PTPRG: variants seen among roughly 807,000 people sequenced by gnomAD.
The protein encoded by PTPRG is receptor-type tyrosine-protein phosphatase gamma.
PTPRG carries 102 observed loss-of-function variants against 165.3 expected under a neutral mutation model. The observed-to-expected ratio is 0.62, with a 90% CI of 0.53 to 0.73. PTPRG has a LOEUF of 0.73. PTPRG is among the 30% of genes least tolerant of loss of function. The pLI, the probability that PTPRG is intolerant of heterozygous loss-of-function variation, is 0.00. For synonymous variants in PTPRG, 675 were observed against 669.5 expected, an observed-to-expected ratio of 1.01 and a Z score of -0.13; for missense variants, 1,866 against 1,861.4, an observed-to-expected ratio of 1.00 and a Z score of -0.05.
intron 28 of PTPRG, 56 bp downstream of exon 28, chr3:62,282,925 G>A: frequency 6.6e-7 from 1 of 1,509,660 alleles, no homozygotes; most frequent in Non-Finnish European, 9.0e-7. Flanking sequence ...TTAATTTCTT[G>A]TTGAAAGCAG....
At chr3:61,708,441 ATCT>A (rs1234527912) in intron 1 of PTPRG, among the ~76,000 whole-genome samples, 2 of 134,254 alleles carry the variant, frequency 1.5e-5, no homozygotes, top group Non-Finnish European at 3.2e-5. Context: ...CTCTCTGCAA[ATCT>A]TTTTTTTTTT....
At chr3:62,043,745 A>C (rs978316683) in intron 4 of PTPRG, among the ~76,000 whole-genome samples, 5 of 152,198 alleles carry the variant, frequency 3.3e-5, no homozygotes, top group African/African-American at 1.2e-4. Context: ...ATGATTGTTA[A>C]AGGATAGACT....
At chr3:61,905,518 TC>T (rs2038622075) in intron 2 of PTPRG, among the ~76,000 whole-genome samples, 1 of 152,214 alleles carries the variant, frequency 6.6e-6, no homozygotes, top group Non-Finnish European at 1.5e-5. Flanking sequence ...TTAAAGGTGG[TC>T]TTTTAACAGT....
intron 1 of PTPRG, among the ~76,000 whole-genome samples, chr3:61,568,148 G>A (rs1699965218): frequency 1.3e-5 from 2 of 152,120 alleles, no homozygotes; most frequent in Admixed American, 1.3e-4. Flanking sequence ...TGTTTATGTG[G>A]AGTTGTAACC....
chr3:61,746,871 G>A (rs996728759), intron 1 of PTPRG, among the ~76,000 whole-genome samples: 5 of 152,180 alleles, frequency 3.3e-5, no homozygotes, highest in African/African-American at 9.7e-5. Context: ...AAAGCACTAG[G>A]GCTGGGTGCA....
intron 28 of PTPRG, among the ~76,000 whole-genome samples, chr3:62,287,228 A>G (rs1393074078): frequency 6.6e-6 from 1 of 152,188 alleles, no homozygotes. Flanking sequence ...CAGATTAAAC[A>G]AATGTTAAAT....
intron 4 of PTPRG, among the ~76,000 whole-genome samples, chr3:62,071,267 G>A (rs895597702): frequency 3.9e-5 from 6 of 152,086 alleles, no homozygotes; most frequent in African/African-American, 1.2e-4. Flanking sequence ...GGGAGAAATC[G>A]CTTTTTGAGA....
intron 2 of PTPRG, among the ~76,000 whole-genome samples, chr3:61,849,425 T>C (rs1479449906): frequency 1.3e-5 from 2 of 152,170 alleles, no homozygotes; most frequent in Non-Finnish European, 1.5e-5. Context: ...GTGTAGGTGA[T>C]GAAAAAGAGT....
At chr3:61,644,227 G>C (rs1168503872) in intron 1 of PTPRG, among the ~76,000 whole-genome samples, 1 of 152,118 alleles carries the variant, frequency 6.6e-6, no homozygotes, top group Non-Finnish European at 1.5e-5. Context: ...AGTTAACTTT[G>C]GAGCTTTAGG....
At chr3:61,948,570 A>G (rs371881110) in intron 2 of PTPRG, among the ~76,000 whole-genome samples, 2 of 152,262 alleles carry the variant, frequency 1.3e-5, no homozygotes, top group African/African-American at 2.4e-5. Flanking sequence ...ATTGGTTGCT[A>G]TAGCTACAAT....
At chr3:61,945,282 A>G (rs1259070620) in intron 2 of PTPRG, among the ~76,000 whole-genome samples, 3 of 152,154 alleles carry the variant, frequency 2.0e-5, no homozygotes, top group African/African-American at 7.2e-5. Context: ...ACTTGAGGCC[A>G]GGTGCTATGG....
intron 4 of PTPRG, among the ~76,000 whole-genome samples, chr3:62,007,698 A>T (rs930165610): frequency 1.3e-5 from 2 of 152,212 alleles, no homozygotes; most frequent in South Asian, 4.1e-4. Flanking sequence ...GTGCAATTTC[A>T]TTTGTGTTAT....
chr3:61,985,134 T>C (rs2040726819), intron 2 of PTPRG, among the ~76,000 whole-genome samples: 1 of 152,226 alleles, frequency 6.6e-6, no homozygotes, highest in African/African-American at 2.4e-5. Flanking sequence ...TGGGATTAAG[T>C]TCTTCTTGCC....
intron 4 of PTPRG, among the ~76,000 whole-genome samples, chr3:62,016,272 A>G (rs944203503): frequency 1.3e-5 from 2 of 152,138 alleles, no homozygotes; most frequent in Non-Finnish European, 2.9e-5. Flanking sequence ...GGTTCAAGCA[A>G]TTCTCCTGCT....
intron 12 of PTPRG, among the ~76,000 whole-genome samples, chr3:62,204,941 G>A (rs1700191056): frequency 1.3e-5 from 2 of 151,994 alleles, no homozygotes; most frequent in Non-Finnish European, 2.9e-5. Context: ...TCTTCATTTT[G>A]CCAGACTACA....
chr3:62,132,685 C>T lies in PTPRG; in HGVS notation c.682+17C>T, dbSNP rs1298143983. The T allele has an allele frequency of 2.0e-5, 32 of 1,588,884 alleles. No individual in the cohort carries two copies. Among genetic ancestry groups the T allele is most frequent in the Admixed American group, 5.0e-5 (3 of 59,974 alleles). On this transcript the variant is annotated intron_variant, in intron 6 of 29. Coordinates refer to ENST00000474889, the MANE Select transcript of PTPRG (RefSeq NM_002841.4). ...TACATCATGGTAAGTATGCCACATACACTTCCTTTTGCTGGGATGTGAAGG... is the reference window on the plus strand; with the variant it reads ...TACATCATGGTAAGTATGCCACATATACTTCCTTTTGCTGGGATGTGAAGG...
chr3:61,719,880 T>C (rs957077697), intron 1 of PTPRG, among the ~76,000 whole-genome samples: 1 of 152,094 alleles, frequency 6.6e-6, no homozygotes, highest in Admixed American at 6.6e-5. Context: ...GAACGTTCTT[T>C]TCTGAGACCC....
At chr3:61,856,774 T>C (rs1339079490) in intron 2 of PTPRG, among the ~76,000 whole-genome samples, 2 of 152,212 alleles carry the variant, frequency 1.3e-5, no homozygotes, top group Non-Finnish European at 2.9e-5. Context: ...ATTATGCTGC[T>C]CTTGGAGGCC....
At chr3:61,821,314 C>T (rs888795649) in intron 2 of PTPRG, among the ~76,000 whole-genome samples, 6 of 152,054 alleles carry the variant, frequency 3.9e-5, no homozygotes, top group African/African-American at 1.2e-4. Context: ...GGACTACAGG[C>T]GCCTGCCACC....
Sources: gnomAD v4.1 joint callset for allele counts (sites outside exome capture counted in the v4.1 genomes callset) on GRCh38, gnomAD v4.1.1 for gene constraint, MANE v1.5 for transcripts, NCBI Gene and HGNC (gene_info 2026-07-23, HGNC 2026-07-21) for gene names.